Variants in CAPN8 observed in about 807,000 individuals in gnomAD.
CAPN8 encodes the protein calpain-8.
In CAPN8, 87 loss-of-function variants were observed where a neutral mutation model predicts 80.9. The observed-to-expected ratio is 1.07, with a 90% CI of 0.90 to 1.28. CAPN8 has a LOEUF of 1.28. Among genes scored for constraint, CAPN8 ranks in the 50% most tolerant of loss-of-function variants. The pLI, the probability that CAPN8 is intolerant of heterozygous loss-of-function variation, is 0.00. For missense variants in CAPN8, 757 were observed against 702.0 expected, an observed-to-expected ratio of 1.08 and a Z score of -0.89; for synonymous variants, 299 against 273.8, an observed-to-expected ratio of 1.09 and a Z score of -0.91.
chr1:223,652,085 A>G (rs954502976), intron 2 of CAPN8, among the ~76,000 whole-genome samples: 2 of 152,190 alleles, frequency 1.3e-5, no homozygotes, highest in Admixed American at 6.5e-5. Flanking sequence ...AATCACACAG[A>G]ACTCTATGAA....
rs538843112 is a variant in CAPN8 at position 223,627,972 on chromosome 1, C to G, written c.560+37G>C. On this transcript the variant is annotated intron_variant, in intron 4 of 20. Coordinates refer to ENST00000366872, the MANE Select transcript of CAPN8 (RefSeq NM_001143962.2). ...GGACAGGTGAGAGCTTTCAGGGAGGCTCTGGCGTCTCCCAGCTCCTGGCTT... is the reference window on the plus strand; with the variant it reads ...GGACAGGTGAGAGCTTTCAGGGAGGGTCTGGCGTCTCCCAGCTCCTGGCTT... 6 of 1,502,088 alleles carry G rather than the reference C, an allele frequency of 4.0e-6. No homozygotes were observed. The East Asian group carries it at 1.3e-4, about 31-fold the overall frequency. 93.0% of individuals were successfully genotyped at this position (1,502,088 alleles called of 1,614,324 possible).
chr1:223,637,262 C>T (rs1190811005), intron 2 of CAPN8, among the ~76,000 whole-genome samples: 2 of 152,196 alleles, frequency 1.3e-5, no homozygotes, highest in Non-Finnish European at 2.9e-5. Context: ...ACTGGGTCTC[C>T]AGTGCCCCCA....
At chr1:223,663,258 C>T (rs1454512222) in intron 1 of CAPN8, among the ~76,000 whole-genome samples, 1 of 152,158 alleles carries the variant, frequency 6.6e-6, no homozygotes, top group Non-Finnish European at 1.5e-5. Context: ...GGTAAAGTCT[C>T]TAAGGATTTC....
intron 20 of CAPN8, among the ~76,000 whole-genome samples, chr1:223,542,248 T>A (rs537537041): frequency 6.8e-6 from 1 of 146,566 alleles, no homozygotes; most frequent in South Asian, 2.2e-4. Flanking sequence ...TTTTCCTATA[T>A]ATGTATTTGT....
chr1:223,544,200 C>G lies in CAPN8; in HGVS notation c.1913-17G>C, dbSNP rs927450740. The stretch of plus-strand genomic sequence containing the variant: ...GGGTGAAACCTGAGGGCAGAGGGAG[C>G]CTGGGTCACAGGTAGAGTGGAGGAC... On this transcript the variant is annotated splice_polypyrimidine_tract_variant and intron_variant, in intron 18 of 20. Coordinates refer to ENST00000366872, the MANE Select transcript of CAPN8 (RefSeq NM_001143962.2). 2 of 717,060 alleles carry G rather than the reference C, an allele frequency of 2.8e-6. No homozygotes were observed. Among genetic ancestry groups the G allele is most frequent in the Admixed American group, 4.0e-5 (2 of 50,008 alleles). 44.4% of individuals were successfully genotyped at this position (717,060 alleles called of 1,614,324 possible).
chr1:223,626,948 G>C (rs1421754961), intron 5 of CAPN8, 41 bp downstream of exon 5: 1 of 1,537,558 alleles, frequency 6.5e-7, no homozygotes, highest in Admixed American at 2.0e-5. Flanking sequence ...AAGGGGTGGC[G>C]GTGGGGGGAG....
chr1:223,660,395 G>T (rs1004126683), intron 1 of CAPN8, among the ~76,000 whole-genome samples: 1 of 152,120 alleles, frequency 6.6e-6, no homozygotes, highest in East Asian at 1.9e-4. Context: ...GAACACCCCC[G>T]ATCTCACATA....
chr1:223,620,295 C>T (rs913357131), intron 7 of CAPN8, 29 bp from the exon 8 acceptor site: 2 of 1,544,648 alleles, frequency 1.3e-6, no homozygotes, highest in South Asian at 1.2e-5. Flanking sequence ...GAGATGCTCG[C>T]TCCTGAGAGG....
chr1:223,641,958 G>T (rs1658054150), intron 2 of CAPN8, among the ~76,000 whole-genome samples: 1 of 152,146 alleles, frequency 6.6e-6, no homozygotes, highest in Non-Finnish European at 1.5e-5. Flanking sequence ...ACAACCAACG[G>T]TACTTCAATC....
chr1:223,625,867 C>T lies in CAPN8; in HGVS notation c.751G>A (p.Glu251Lys), dbSNP rs749716850. Residue 251 changes from glutamate (E) to lysine (K), a missense_variant, in exon 6 of 21, where the codon GAA becomes AAA. By Grantham distance (56) the Glu-to-Lys change is moderately conservative. Coordinates refer to ENST00000366872, the MANE Select transcript of CAPN8 (RefSeq NM_001143962.2). The part of the protein sequence containing the change: ...SIDVSSAAEA[E>K]AITSQKLVKS... ...ACCAGCTTCTGGCTGGTGATGGCTT[C>T]GGCTTCGGCTGCACTGGAGACCTGC... 37 of 1,551,346 alleles carry T rather than the reference C, an allele frequency of 2.4e-5. No individual in the cohort carries two copies. The highest frequency in any genetic ancestry group is 5.5e-5 in the African/African-American group (4 of 73,038).
At chr1:223,553,086 G>A (rs1176634069) in intron 14 of CAPN8, among the ~76,000 whole-genome samples, 3 of 137,860 alleles carry the variant, frequency 2.2e-5, no homozygotes, top group Non-Finnish European at 4.7e-5. Context: ...TCCCGGGGTG[G>A]TGGGGGGAGA....
intron 20 of CAPN8, among the ~76,000 whole-genome samples, chr1:223,542,588 C>A (rs555019459): frequency 6.6e-6 from 1 of 152,196 alleles, no homozygotes; most frequent in Non-Finnish European, 1.5e-5. Flanking sequence ...GACATCTCCA[C>A]ACTTCCTGCT....
At chr1:223,619,520 G>A in intron 8 of CAPN8, 67 bp from the exon 9 acceptor site, 3 of 1,521,896 alleles carry the variant, frequency 2.0e-6, no homozygotes, top group Non-Finnish European at 1.8e-6. Flanking sequence ...CACGCATACT[G>A]AGCACGGGAA....
At chr1:223,608,950 T>C (rs1370886324) in intron 12 of CAPN8, among the ~76,000 whole-genome samples, 1 of 148,396 alleles carries the variant, frequency 6.7e-6, no homozygotes, top group African/African-American at 2.5e-5. Flanking sequence ...GGTCTGGTTC[T>C]CTTTCTCTCC....
chr1:223,622,663 C>T (rs750264867), intron 7 of CAPN8, 152 bp downstream of exon 7: 66 of 638,246 alleles, frequency 1.0e-4, no homozygotes, highest in Non-Finnish European at 1.6e-4. Context: ...CAGCCTGGAT[C>T]CATTTAATAC....
intron 2 of CAPN8, among the ~76,000 whole-genome samples, chr1:223,647,409 G>A (rs1360743949): frequency 6.6e-6 from 1 of 152,156 alleles, no homozygotes; most frequent in Non-Finnish European, 1.5e-5. Context: ...ATGCATAAAT[G>A]ATTTTTCCTC....
At chr1:223,549,052 T>A (rs951866169) in intron 16 of CAPN8, among the ~76,000 whole-genome samples, 6 of 152,098 alleles carry the variant, frequency 3.9e-5, no homozygotes, top group African/African-American at 1.4e-4. Flanking sequence ...CCAGATTACA[T>A]GATTTTAAAT....
intron 8 of CAPN8, among the ~76,000 whole-genome samples, 163 bp downstream of exon 8, chr1:223,620,029 G>A (rs191720729): frequency 3.6e-4 from 55 of 152,122 alleles, no homozygotes; most frequent in African/African-American, 1.3e-3. Flanking sequence ...TAGACGTGCT[G>A]GTATAGAGGT....
At chr1:223,629,471 A>G (rs1369014506) in intron 2 of CAPN8, among the ~76,000 whole-genome samples, 1 of 152,216 alleles carries the variant, frequency 6.6e-6, no homozygotes, top group Non-Finnish European at 1.5e-5. Flanking sequence ...ATTCAAGGAA[A>G]TGCAGAAGAA....
Sources: gnomAD v4.1 joint callset for allele counts (sites outside exome capture counted in the v4.1 genomes callset) on GRCh38, gnomAD v4.1.1 for gene constraint, MANE v1.5 for transcripts, NCBI Gene and HGNC (gene_info 2026-07-23, HGNC 2026-07-21) for gene names.